Variants in ZCWPW2 observed in about 807,000 individuals in gnomAD.
ZCWPW2 encodes the protein zinc finger CW-type PWWP domain protein 2.
A neutral mutation model predicts 46.6 loss-of-function variants in ZCWPW2; 45 were observed. That is an observed-to-expected ratio of 0.96 (90% CI 0.76 to 1.24). ZCWPW2 has a LOEUF of 1.24. Ranked by LOEUF, ZCWPW2 falls within the 50% of genes most tolerant of loss-of-function variation. The probability of loss-of-function intolerance (pLI) is 0.00; values close to 1 mark genes in which losing one functional copy is unlikely to be tolerated. For synonymous variants in ZCWPW2, 152 were observed against 137.1 expected (o/e 1.11, Z -0.76); for missense variants, 429 against 403.9 (o/e 1.06, Z -0.53).
intron 4 of ZCWPW2, among the ~76,000 whole-genome samples, chr3:28,463,913 G>C (rs912569951): frequency 6.6e-6 from 1 of 151,126 alleles, no homozygotes; most frequent in Non-Finnish European, 1.5e-5. Context: ...AAAGAAGAAA[G>C]GGAAGGGAGA....
chr3:28,445,332 T>C (rs1298206498), intron 4 of ZCWPW2, among the ~76,000 whole-genome samples: 2 of 152,056 alleles, frequency 1.3e-5, no homozygotes, highest in African/African-American at 4.8e-5. Flanking sequence ...CTTAAGATAC[T>C]GATGCACTGC....
intron 1 of ZCWPW2, among the ~76,000 whole-genome samples, chr3:28,356,793 G>A (rs1704748106): frequency 6.6e-6 from 1 of 152,128 alleles, no homozygotes; most frequent in African/African-American, 2.4e-5. Context: ...TCATAGGTGG[G>A]AATTGAACAA....
At chr3:28,432,112 G>A (rs190728883) in intron 3 of ZCWPW2, among the ~76,000 whole-genome samples, 1 of 152,270 alleles carries the variant, frequency 6.6e-6, no homozygotes, top group Admixed American at 6.5e-5. Context: ...TGGGGATTAT[G>A]GGAATTACAA....
chr3:28,482,277 C>A (rs780776678), intron 5 of ZCWPW2, among the ~76,000 whole-genome samples: 18 of 152,120 alleles, frequency 1.2e-4, no homozygotes, highest in Non-Finnish European at 2.4e-4. Flanking sequence ...TGGTTTCTTT[C>A]TCTTAGTAAT....
chr3:28,472,946 A>G (rs1424075618), intron 4 of ZCWPW2, among the ~76,000 whole-genome samples: 1 of 152,196 alleles, frequency 6.6e-6, no homozygotes, highest in African/African-American at 2.4e-5. Context: ...TTCTCAAAAG[A>G]AGACATACAA....
In ZCWPW2 at chr3:28,349,049, C is replaced by T; in HGVS notation, c.-288C>T. The T allele has an allele frequency of 1.0e-6, 1 of 986,144 alleles. No homozygotes were observed. The highest frequency in any genetic ancestry group is 1.2e-6 in the Non-Finnish European group (1 of 830,566). 61.1% of individuals were successfully genotyped at this position (986,144 alleles called of 1,614,324 possible). On this transcript the variant is annotated 5_prime_UTR_variant, in exon 1 of 10. It introduces an in-frame stop codon into an upstream open reading frame of the 5' UTR. Transcript: ENST00000383768. ...GCGCGAGGAAACCGGAAGTCAGGCC[C>T]GAGGGAGCTGGGAGGGCGTTAGCGA...
chr3:28,466,324 C>T (rs921889516), intron 4 of ZCWPW2, among the ~76,000 whole-genome samples: 9 of 152,020 alleles, frequency 5.9e-5, no homozygotes, highest in Admixed American at 4.6e-4. Flanking sequence ...ACATGTGCCC[C>T]CTGAACCCAA....
At chr3:28,409,876 A>T (rs1210370503) in intron 2 of ZCWPW2, among the ~76,000 whole-genome samples, 1 of 152,162 alleles carries the variant, frequency 6.6e-6, no homozygotes, top group Non-Finnish European at 1.5e-5. Flanking sequence ...ATGAACTAAA[A>T]TCACTGGTTA....
intron 1 of ZCWPW2, among the ~76,000 whole-genome samples, chr3:28,355,485 A>T (rs1264524561): frequency 6.6e-6 from 1 of 152,242 alleles, no homozygotes; most frequent in Non-Finnish European, 1.5e-5. Flanking sequence ...TCTTCACAGA[A>T]TTGGAAAAAA....
chr3:28,460,517 G>T (rs1698590236), intron 4 of ZCWPW2, among the ~76,000 whole-genome samples: 1 of 152,122 alleles, frequency 6.6e-6, no homozygotes, highest in Non-Finnish European at 1.5e-5. Context: ...ATGTTAAAGT[G>T]ACAGGTGAGT....
intron 1 of ZCWPW2, among the ~76,000 whole-genome samples, chr3:28,352,961 A>G (rs897278406): frequency 1.3e-5 from 2 of 152,136 alleles, no homozygotes; most frequent in African/African-American, 2.4e-5. Context: ...AGATGGGCCA[A>G]TCACCTAAGG....
At chr3:28,388,114 G>A (rs1301209896) in intron 1 of ZCWPW2, among the ~76,000 whole-genome samples, 1 of 151,972 alleles carries the variant, frequency 6.6e-6, no homozygotes, top group Non-Finnish European at 1.5e-5. Context: ...TCTTGCTTGG[G>A]GCAGGTCAGT....
chr3:28,460,847 G>T (rs757951812), intron 4 of ZCWPW2: 10 of 165,762 alleles, frequency 6.0e-5, no homozygotes, highest in Non-Finnish European at 1.2e-4. Flanking sequence ...AACTTTGAAT[G>T]TATAAATAGC....
At chr3:28,379,413 T>C (rs765812176) in intron 1 of ZCWPW2, among the ~76,000 whole-genome samples, 8 of 152,092 alleles carry the variant, frequency 5.3e-5, no homozygotes, top group South Asian at 2.1e-4. Flanking sequence ...GAGGGTAAAA[T>C]TGCTGAGGTT....
chr3:28,353,575 A>G (rs977333157), intron 1 of ZCWPW2, among the ~76,000 whole-genome samples: 4 of 152,252 alleles, frequency 2.6e-5, no homozygotes, highest in African/African-American at 9.6e-5. Context: ...CTTTGACTCC[A>G]GCAGAAAGTT....
intron 6 of ZCWPW2, among the ~76,000 whole-genome samples, chr3:28,510,288 A>G (rs1700391334): frequency 6.6e-6 from 1 of 152,180 alleles, no homozygotes; most frequent in African/African-American, 2.4e-5. Flanking sequence ...CTTCTAAAGA[A>G]GAGTATATTG....
At chr3:28,455,155 T>A (rs1230229959) in intron 4 of ZCWPW2, among the ~76,000 whole-genome samples, 1 of 152,226 alleles carries the variant, frequency 6.6e-6, no homozygotes, top group Non-Finnish European at 1.5e-5. Flanking sequence ...TGTTATTTTT[T>A]GGCTTTTTAG....
chr3:28,363,437 C>T (rs1036254107), intron 1 of ZCWPW2, among the ~76,000 whole-genome samples: 1 of 152,100 alleles, frequency 6.6e-6, no homozygotes, highest in East Asian at 1.9e-4. Flanking sequence ...TGTTTCTACA[C>T]TTTGAATGAA....
At chr3:28,398,686 A>G (rs2125725387) in intron 2 of ZCWPW2, among the ~76,000 whole-genome samples, 1 of 152,242 alleles carries the variant, frequency 6.6e-6, no homozygotes, top group African/African-American at 2.4e-5. Context: ...GAAACTGAAG[A>G]TCTAGATTAC....
Sources: allele counts gnomAD v4.1 joint callset (sites outside exome capture counted in the v4.1 genomes callset), GRCh38; gene constraint gnomAD v4.1.1; transcripts MANE v1.5; gene names NCBI Gene and HGNC (gene_info 2026-07-23, HGNC 2026-07-21).